RERE: variants seen among roughly 807,000 people sequenced by gnomAD.
RERE encodes arginine-glutamic acid dipeptide repeats, also known as arginine-glutamic acid dipeptide repeats protein.
A neutral mutation model predicts 146.1 loss-of-function variants in RERE; 40 were observed. The observed-to-expected ratio is 0.27, with a 90% CI of 0.21 to 0.36. The LOEUF is 0.36. Ranked by LOEUF, RERE falls within the 10% of genes least tolerant of loss-of-function variation. RERE has a pLI of 1.00. For missense variants in RERE, 1,933 were observed against 2,138.7 expected (o/e 0.90, Z 1.90); for synonymous variants, 1,003 against 866.0 (o/e 1.16, Z -2.78).
At chr1:8,548,648 T>C (rs556620158) in intron 6 of RERE, among the ~76,000 whole-genome samples, 1 of 152,326 alleles carries the variant, frequency 6.6e-6, no homozygotes, top group Admixed American at 6.5e-5. Flanking sequence ...ACTGAGTTTC[T>C]TCTGTGTTGG....
At chr1:8,384,023 C>T (rs1022655460) in intron 12 of RERE, among the ~76,000 whole-genome samples, 3 of 152,090 alleles carry the variant, frequency 2.0e-5, no homozygotes, top group African/African-American at 4.8e-5. Flanking sequence ...TACAAACTCT[C>T]GTAGTAGAAA....
intron 10 of RERE, among the ~76,000 whole-genome samples, chr1:8,469,597 T>A (rs1193389308): frequency 6.6e-6 from 1 of 152,162 alleles, no homozygotes; most frequent in Non-Finnish European, 1.5e-5. Context: ...CACTCCAGCC[T>A]GAGAGACAGA....
chr1:8,361,036 G>T lies in RERE; in HGVS notation c.2471C>A (p.Pro824His), dbSNP rs200831808. The part of the protein sequence containing the change: ...PHPPPHPSPH[P>H]PLQPLTGSAG... ...CGACCCAGTCAGAGGCTGCAGCGGG[G>T]GATGTGGCGAGGGATGCGGCGGGGG... Residue 824 changes from proline to histidine, a missense_variant, in exon 18 of 23, where the codon CCC becomes CAC. Physicochemically the swap from Pro to His is moderately conservative, Grantham distance 77. Around this residue, in one of 11 missense-constraint regions of RERE, gnomAD observed 1,255 missense variants for 1,153.8 expected, o/e 1.09. Coordinates refer to ENST00000400908, the MANE Select transcript of RERE (RefSeq NM_001042681.2). The T allele has an allele frequency of 6.3e-6, 9 of 1,438,684 alleles. No homozygotes were observed. The South Asian group carries it at 1.2e-4, about 19-fold the overall frequency. 89.1% of individuals were successfully genotyped at this position (1,438,684 alleles called of 1,614,324 possible).
chr1:8,724,613 GA>G (rs764942361), intron 1 of RERE, among the ~76,000 whole-genome samples: 8 of 151,966 alleles, frequency 5.3e-5, no homozygotes, highest in Middle Eastern at 3.2e-3. Context: ...TCGGGAGGCT[GA>G]GGTGGGCAGA....
intron 1 of RERE, among the ~76,000 whole-genome samples, chr1:8,709,730 C>T (rs1199232516): frequency 6.6e-6 from 1 of 152,104 alleles, no homozygotes; most frequent in Non-Finnish European, 1.5e-5. Flanking sequence ...ATAACAAGCC[C>T]CTTATTGAGT....
chr1:8,613,349 GAC>G (rs1646813896), intron 4 of RERE, among the ~76,000 whole-genome samples: 2 of 152,128 alleles, frequency 1.3e-5, no homozygotes, highest in African/African-American at 4.8e-5. Context: ...GCTCTTCAGT[GAC>G]GTCCTGCGGG....
intron 1 of RERE, among the ~76,000 whole-genome samples, chr1:8,672,556 G>A (rs1638741597): frequency 6.6e-6 from 1 of 152,188 alleles, no homozygotes; most frequent in Non-Finnish European, 1.5e-5. Flanking sequence ...AGAAAATGCA[G>A]TATTATTCCA....
chr1:8,574,977 A>C (rs1342719723), intron 4 of RERE, among the ~76,000 whole-genome samples: 3 of 152,266 alleles, frequency 2.0e-5, no homozygotes, highest in Admixed American at 2.0e-4. Context: ...TTAAAAGTCT[A>C]ATTCGCAAAT....
chr1:8,643,891 CCTG>C (rs1281227225), intron 2 of RERE, among the ~76,000 whole-genome samples: 4 of 152,144 alleles, frequency 2.6e-5, no homozygotes, highest in African/African-American at 9.6e-5. Context: ...TTTTTCCTTT[CCTG>C]CTAAAATACA....
intron 10 of RERE, among the ~76,000 whole-genome samples, chr1:8,468,346 G>C (rs1644631645): frequency 1.3e-5 from 2 of 152,124 alleles, no homozygotes; most frequent in South Asian, 4.1e-4. Context: ...CTCATACTTT[G>C]CCTAATATCC....
intron 12 of RERE, among the ~76,000 whole-genome samples, chr1:8,393,536 T>G (rs1457184390): frequency 6.6e-6 from 1 of 152,216 alleles, no homozygotes; most frequent in African/African-American, 2.4e-5. Flanking sequence ...AAAATGGGGT[T>G]GGTTTTCTAA....
rs1205852331 is a variant in RERE at position 8,358,601 on chromosome 1, G to A, written c.3934C>T (p.Arg1312Trp). The A allele has an allele frequency of 1.9e-6, 3 of 1,599,800 alleles. No homozygotes were observed. The highest frequency in any genetic ancestry group is 1.3e-5 in the African/African-American group (1 of 74,608). ...CGCAGCTCCCGCTCTCGGATCTCCC[G>A]CTCTCGGATCTCCCGCTCCCGGAGC... ...RELREREIRE[R>W]EIRERELRER... Residue 1312 changes from arginine to tryptophan, a missense_variant, in exon 20 of 23, where the codon CGG (arginine) becomes TGG (tryptophan). This residue lies in a region of RERE where 1,255 missense variants were observed against 1,153.8 expected (regional missense o/e 1.09). Transcript: ENST00000400908.
intron 7 of RERE, among the ~76,000 whole-genome samples, chr1:8,514,740 GAAAGA>G (rs969385076): frequency 1.3e-5 from 2 of 150,698 alleles, no homozygotes; most frequent in African/African-American, 2.4e-5. Context: ...CAAAAAAAAA[GAAAGA>G]AAAGAAAAGA....
Position 8,361,885 on chromosome 1 carries a change from G to C in RERE, c.1903-9C>G, listed in dbSNP as rs767979215. On this transcript the variant is annotated splice_polypyrimidine_tract_variant and intron_variant, in intron 16 of 22. Transcript: ENST00000400908. ...GCTTCCTCCTTCACCTTCTGCAGGG[G>C]AAAAGCCCACAAGGAGCAATCAGGC... 2 of 1,603,216 alleles carry C rather than the reference G, an allele frequency of 1.2e-6. No individual in the cohort carries two copies. The highest frequency in any genetic ancestry group is 1.7e-6 in the Non-Finnish European group (2 of 1,170,314).
chr1:8,751,235 A>T (rs181433359), intron 1 of RERE: 16 of 211,510 alleles, frequency 7.6e-5, no homozygotes, highest in Admixed American at 4.2e-4. Flanking sequence ...CCATTTACAA[A>T]CATCCACCAA....
At chr1:8,690,482 T>C (rs1363546616) in intron 1 of RERE, among the ~76,000 whole-genome samples, 2 of 152,220 alleles carry the variant, frequency 1.3e-5, no homozygotes, top group Admixed American at 6.5e-5. Flanking sequence ...TCTTTACTGA[T>C]TGTCTCTAGG....
intron 9 of RERE, 26 bp from the exon 10 acceptor site, chr1:8,495,188 A>G: frequency 6.6e-7 from 1 of 1,522,468 alleles, no homozygotes; most frequent in Non-Finnish European, 9.1e-7. Flanking sequence ...TTTTTCCTTT[A>G]TTAGTACATA....
intron 6 of RERE, among the ~76,000 whole-genome samples, chr1:8,543,645 T>A (rs2124395996): frequency 6.6e-6 from 1 of 152,322 alleles, no homozygotes; most frequent in South Asian, 2.1e-4. Flanking sequence ...AATAATTATT[T>A]ATTGTCAGAG....
rs939056622 is a variant in RERE at position 8,356,847 on chromosome 1, C to T, written c.4340-601G>A. ...TCCTATCTCCCAGCTCCAGCCAACA[C>T]AGGCGCTGGCAGGGATTTCAGGGTT... is the stretch of plus-strand genomic sequence containing the variant. On this transcript the variant is annotated intron_variant, in intron 20 of 22. Transcript: ENST00000400908. This position sits in a 1 kb window ranked among gnomAD's most constrained non-coding sequence, Gnocchi z 5.2. Among the ~76,000 whole-genome samples the T allele has an allele frequency of 6.6e-6, 1 of 152,188 alleles. No individual in the cohort carries two copies. Among genetic ancestry groups the T allele is most frequent in the African/African-American group, 2.4e-5 (1 of 41,444 alleles).
Sources: gnomAD v4.1 joint callset for allele counts (sites outside exome capture counted in the v4.1 genomes callset) on GRCh38, gnomAD v4.1.1 for gene constraint, gnomAD v4.1.1 regional missense constraint, Gnocchi (gnomAD v3.1) non-coding constraint, MANE v1.5 for transcripts, NCBI Gene and HGNC (gene_info 2026-07-23, HGNC 2026-07-21) for gene names.